The following PPM1K variants were observed in gnomAD, a reference collection of about 807,000 sequenced individuals.
PPM1K encodes protein phosphatase, Mg2+/Mn2+ dependent 1K.
In PPM1K, 19 loss-of-function variants were observed where a neutral mutation model predicts 32.6. The observed-to-expected ratio is 0.58, with a 90% CI of 0.41 to 0.86. The LOEUF is 0.86. Ranked by LOEUF, PPM1K falls within the 40% of genes least tolerant of loss-of-function variation. The pLI is 0.00. For missense variants in PPM1K, 362 were observed against 461.2 expected (o/e 0.78, Z 1.97); for synonymous variants, 159 against 165.3 (o/e 0.96, Z 0.29).
Position 88,274,025 on chromosome 4 carries a change from C to T in PPM1K, c.541+3118G>A, listed in dbSNP as rs115232969. Among the ~76,000 whole-genome samples, 192 of 152,314 alleles carry T rather than the reference C, an allele frequency of 1.3e-3. 1 individual carries two copies. The highest frequency in any genetic ancestry group is 4.4e-3 in the African/African-American group (185 of 41,576). ...GACTAGAAAGCTGTTTGGGACCCCTCTTTTTGCAGGAGAGAGCTTTTCTCT... is the reference window on the plus strand; with the variant it reads ...GACTAGAAAGCTGTTTGGGACCCCTTTTTTTGCAGGAGAGAGCTTTTCTCT... On this transcript the variant is annotated intron_variant, in intron 3 of 6. Transcript: ENST00000608933.
At chr4:88,282,076 A>G (rs1330431947) in intron 1 of PPM1K, among the ~76,000 whole-genome samples, 3 of 152,238 alleles carry the variant, frequency 2.0e-5, no homozygotes, top group Non-Finnish European at 4.4e-5. Flanking sequence ...AATTGGGATG[A>G]GTTCATTATT....
In PPM1K at chr4:88,262,482, T is replaced by G; in HGVS notation, c.*113A>C. Reference sequence around the variant, plus strand: ...TGAAAAAACTACTATCTAAGTGGTTTACACTGACTTGTGCGCTGATCTAGT... The same window carrying G: ...TGAAAAAACTACTATCTAAGTGGTTGACACTGACTTGTGCGCTGATCTAGT... On this transcript the variant is annotated 3_prime_UTR_variant, in exon 7 of 7. Coordinates refer to ENST00000608933, the MANE Select transcript of PPM1K (RefSeq NM_152542.5). 1.7e-6 allele frequency: 2 copies of G among 1,186,182 alleles called. No homozygotes were observed. The highest frequency in any genetic ancestry group is 2.4e-6 in the Non-Finnish European group (2 of 849,674). 73.5% of individuals were successfully genotyped at this position (1,186,182 alleles called of 1,614,324 possible).
At chr4:88,274,139 G>C (rs1189117232) in intron 3 of PPM1K, among the ~76,000 whole-genome samples, 2 of 152,186 alleles carry the variant, frequency 1.3e-5, no homozygotes, top group East Asian at 3.8e-4. Context: ...TGAAACTCAA[G>C]TATTACGCCA....
At chr4:88,283,960 T>G (rs1212755833) in intron 1 of PPM1K, 1 of 152,310 alleles carries the variant, frequency 6.6e-6, no homozygotes, top group Non-Finnish European at 1.5e-5. Flanking sequence ...CCGAGCCCGT[T>G]GTCGCCACGT....
At chr4:88,268,449 C>A in intron 4 of PPM1K, 115 bp from the exon 5 acceptor site, 1 of 1,241,262 alleles carries the variant, frequency 8.1e-7, no homozygotes, top group Non-Finnish European at 1.1e-6. Context: ...GGTGAAACCC[C>A]GTCTCTACTA....
chr4:88,276,407 G>A (rs1731768772), intron 3 of PPM1K: 1 of 985,420 alleles, frequency 1.0e-6, no homozygotes, highest in Middle Eastern at 5.2e-4. Flanking sequence ...AACTTTAACA[G>A]CAAAAGATTT....
chr4:88,268,602 CAG>C, intron 4 of PPM1K, 137 bp downstream of exon 4: 2 of 962,930 alleles, frequency 2.1e-6, no homozygotes, highest in South Asian at 3.2e-5. Flanking sequence ...GCCTGGGCGA[CAG>C]AGTGAGACTC....
In PPM1K at chr4:88,278,764, T is replaced by C; in HGVS notation, c.-59-122A>G. The C allele has an allele frequency of 3.5e-6, 2 of 569,062 alleles. No homozygotes were observed. The highest frequency in any genetic ancestry group is 6.2e-6 in the Non-Finnish European group (2 of 324,488). The allele number at this position is 569,062 out of a possible 1,614,324, so 35.3% of individuals were successfully genotyped here. ...TGAATATAACTGATATGTCATCAAA[T>C]ATTACCAAAAATGAAGCTCATAAAG... On this transcript the variant is annotated intron_variant, in intron 1 of 6. Coordinates refer to ENST00000608933, the MANE Select transcript of PPM1K (RefSeq NM_152542.5). This position sits in a 1 kb window ranked among gnomAD's most constrained non-coding sequence, Gnocchi z 4.2.
intron 3 of PPM1K, among the ~76,000 whole-genome samples, chr4:88,269,389 T>C (rs1414762126): frequency 6.6e-6 from 1 of 152,234 alleles, no homozygotes; most frequent in Non-Finnish European, 1.5e-5. Context: ...GCTGTGAACA[T>C]ATTATCAGTT....
intron 1 of PPM1K, among the ~76,000 whole-genome samples, chr4:88,282,001 C>T (rs1282309453): frequency 6.6e-6 from 1 of 150,908 alleles, no homozygotes; most frequent in African/African-American, 2.4e-5. Flanking sequence ...GTTCTCTAAA[C>T]AAAAAGAGTG....
chr4:88,262,749 A>G (rs1214872306), intron 6 of PPM1K, 23 bp from the exon 7 acceptor site: 2 of 1,585,638 alleles, frequency 1.3e-6, no homozygotes, highest in Admixed American at 1.9e-5. Flanking sequence ...GCAGGAAGAA[A>G]GAGAAAAACA....
At chr4:88,282,031 C>G (rs1440418022) in intron 1 of PPM1K, among the ~76,000 whole-genome samples, 1 of 151,460 alleles carries the variant, frequency 6.6e-6, no homozygotes, top group African/African-American at 2.4e-5. Flanking sequence ...CTAGCAAACA[C>G]CTAAGGATTG....
Position 88,261,335 on chromosome 4 carries a change from A to G in PPM1K, c.*1260T>C, listed in dbSNP as rs1731106101. 6.6e-6 allele frequency: 1 copy of G among 152,252 alleles called. No homozygotes were observed. 9.4% of individuals were successfully genotyped at this position (152,252 alleles called of 1,614,324 possible). ...GACATAAAACTCAAGCTATGTCTAT[A>G]GCAGTATCAGTCAATGTGGTATTAT... is the stretch of plus-strand genomic sequence containing the variant. On this transcript the variant is annotated 3_prime_UTR_variant, in exon 7 of 7. Transcript: ENST00000608933.
At chr4:88,263,767 C>T (rs576874943) in intron 6 of PPM1K, among the ~76,000 whole-genome samples, 1 of 152,166 alleles carries the variant, frequency 6.6e-6, no homozygotes, top group South Asian at 2.1e-4. Context: ...TTTCTAAGGG[C>T]TCAAGCAATC....
rs115434128 is a variant in PPM1K, at chr4:88,260,650, T to C, written c.*1945A>G. 168 of 152,112 alleles carry C rather than the reference T, an allele frequency of 1.1e-3. No individual in the cohort carries two copies. Among genetic ancestry groups the C allele is most frequent in the African/African-American group, 4.0e-3 (165 of 41,472 alleles). The allele number at this position is 152,112 out of a possible 1,614,324, so 9.4% of individuals were successfully genotyped here. ...TTCAAAGGGCAATTCCTGATTAATA[T>C]AGGCAGAAAAACTCAAGATTTATCT... On this transcript the variant is annotated 3_prime_UTR_variant, in exon 7 of 7. Transcript: ENST00000608933.
rs924520730 is a variant in PPM1K at position 88,258,282 on chromosome 4, G to C, written c.*4313C>G. 1.1e-4 allele frequency: 16 copies of C among 152,064 alleles called. No individual in the cohort carries two copies. The highest frequency in any genetic ancestry group is 3.4e-3 in the Middle Eastern group (1 of 294). 9.4% of individuals were successfully genotyped at this position (152,064 alleles called of 1,614,324 possible). A position where few individuals can be genotyped will look rare whatever the true frequency, so the allele number is the denominator to read the frequency against. ...ACTAAATGTCCTGTTTGATATTGAT[G>C]AGTAGGCCTACTCATTCTCTACCAA... On this transcript the variant is annotated 3_prime_UTR_variant, in exon 7 of 7. Transcript: ENST00000608933.
chr4:88,260,159 CT>C lies in PPM1K; in HGVS notation c.*2435del, dbSNP rs1731065439. On this transcript the variant is annotated 3_prime_UTR_variant, in exon 7 of 7. Coordinates refer to ENST00000608933, the MANE Select transcript of PPM1K (RefSeq NM_152542.5). ...CTCCGCCTCCCAGGTTCAAGCAATT[CT>C]CCTTCCTCAGCCTCCCCAGTAGCTG... is the stretch of plus-strand genomic sequence containing the variant. 6.6e-6 allele frequency: 1 copy of C among 152,268 alleles called. No homozygotes were observed. The highest frequency in any genetic ancestry group is 2.4e-5 in the African/African-American group (1 of 41,436). 9.4% of individuals were successfully genotyped at this position (152,268 alleles called of 1,614,324 possible).
At chr4:88,265,411 T>C (rs1441082668) in intron 5 of PPM1K, among the ~76,000 whole-genome samples, 1 of 152,188 alleles carries the variant, frequency 6.6e-6, no homozygotes, top group Non-Finnish European at 1.5e-5. Flanking sequence ...CAAGATCTGA[T>C]GGTTTTATAA....
intron 3 of PPM1K, chr4:88,276,850 T>A: frequency 9.7e-7 from 1 of 1,025,774 alleles, no homozygotes; most frequent in Non-Finnish European, 1.2e-6. Context: ...AGCAAACAGA[T>A]TAAACATTTT....
Sources: allele counts gnomAD v4.1 joint callset (sites outside exome capture counted in the v4.1 genomes callset), GRCh38; gene constraint gnomAD v4.1.1; non-coding constraint Gnocchi (gnomAD v3.1); transcripts MANE v1.5; gene names NCBI Gene and HGNC (gene_info 2026-07-23, HGNC 2026-07-21).